The following LAMA2 variants were observed in gnomAD, a reference collection of about 807,000 sequenced individuals.
LAMA2 encodes laminin subunit alpha-2.
A neutral mutation model predicts 364.8 loss-of-function variants in LAMA2; 269 were observed. The ratio of observed to expected loss-of-function variants is 0.74; its 90% CI spans 0.67 to 0.82. LAMA2 has a LOEUF of 0.82. LAMA2 is among the 40% of genes least tolerant of loss of function. The probability of loss-of-function intolerance (pLI) is 0.00; values close to 1 mark genes in which losing one functional copy is unlikely to be tolerated. For missense variants in LAMA2, 3,807 were observed against 3,873.2 expected, an observed-to-expected ratio of 0.98 and a Z score of 0.45; for synonymous variants, 1,379 against 1,370.6, an observed-to-expected ratio of 1.01 and a Z score of -0.14.
chr6:129,351,359 G>C (rs970835498), intron 31 of LAMA2, among the ~76,000 whole-genome samples: 1 of 152,134 alleles, frequency 6.6e-6, no homozygotes, highest in Non-Finnish European at 1.5e-5. Context: ...ATCGATAAAA[G>C]CTGTCAGTTT....
At chr6:129,391,695 A>G (rs772001199) in intron 36 of LAMA2, 42 bp downstream of exon 36, 2 of 1,550,742 alleles carry the variant, frequency 1.3e-6, no homozygotes, top group South Asian at 2.2e-5. Context: ...ACAAACTGAG[A>G]TTTCCAGATA....
At chr6:128,904,966 A>G (rs1484390610) in intron 1 of LAMA2, among the ~76,000 whole-genome samples, 5 of 152,224 alleles carry the variant, frequency 3.3e-5, no homozygotes, top group Admixed American at 3.3e-4. Flanking sequence ...TCTTTTGCTT[A>G]TGTGCCAATT....
chr6:128,917,706 T>TTTCTTTC lies in LAMA2; in HGVS notation c.112+34351_112+34352insCTTTCTT, dbSNP rs1554322938. On this transcript the variant is annotated intron_variant, in intron 1 of 64. Transcript: ENST00000421865. ...CTATTATCTGTCCTTTTTCTTTTTT[T>TTTCTTTC]TTTCTTTCTTTCTTTCTTTCTTTCT... 4.4e-3 allele frequency among the ~76,000 whole-genome samples: 437 copies of TTTCTTTC among 98,346 alleles called. 4 individuals are homozygous for TTTCTTTC. Among genetic ancestry groups the TTTCTTTC allele is most frequent in the African/African-American group, 0.016 (402 of 25,308 alleles). The allele number at this position is 98,346 out of a possible 152,430, so 64.5% of individuals were successfully genotyped here.
chr6:129,347,694 G>A (rs1345654831), intron 30 of LAMA2, among the ~76,000 whole-genome samples: 1 of 152,116 alleles, frequency 6.6e-6, no homozygotes, highest in Non-Finnish European at 1.5e-5. Flanking sequence ...TTTCTGAGTA[G>A]CCCTGCAGAC....
At chr6:129,291,225 C>A (rs760029664) in intron 19 of LAMA2, among the ~76,000 whole-genome samples, 1 of 152,170 alleles carries the variant, frequency 6.6e-6, no homozygotes, top group African/African-American at 2.4e-5. Context: ...AACAGCGTTA[C>A]ACCTTGAGTC....
intron 20 of LAMA2, 81 bp from the exon 21 acceptor site, chr6:129,297,604 C>G: frequency 7.5e-7 from 1 of 1,329,442 alleles, no homozygotes; most frequent in South Asian, 1.2e-5. Context: ...CTGTTCCCAC[C>G]TGATCTTTGG....
chr6:129,415,564 G>A (rs961071440), intron 40 of LAMA2, among the ~76,000 whole-genome samples: 1 of 152,118 alleles, frequency 6.6e-6, no homozygotes, highest in South Asian at 2.1e-4. Context: ...TAACCATGGT[G>A]GCTGGGTGCA....
intron 3 of LAMA2, among the ~76,000 whole-genome samples, chr6:129,066,815 A>G (rs955898729): frequency 2.6e-5 from 4 of 152,216 alleles, no homozygotes; most frequent in African/African-American, 9.6e-5. Context: ...CCAAGAACAC[A>G]CAATGGGATT....
At chr6:129,217,058 G>A (rs1012690986) in intron 12 of LAMA2, among the ~76,000 whole-genome samples, 8 of 151,822 alleles carry the variant, frequency 5.3e-5, no homozygotes, top group Non-Finnish European at 1.0e-4. Context: ...GTATGGTGGC[G>A]TGTGCCTGTA....
chr6:129,093,178 A>T (rs1774951148), intron 3 of LAMA2, among the ~76,000 whole-genome samples: 1 of 150,568 alleles, frequency 6.6e-6, no homozygotes, highest in South Asian at 2.1e-4. Flanking sequence ...TTTAGTAGAG[A>T]CGGAGTTTCA....
intron 22 of LAMA2, among the ~76,000 whole-genome samples, chr6:129,306,275 ATTCCTGTTGT>A (rs1403567723): frequency 1.8e-5 from 1 of 55,250 alleles, no homozygotes; most frequent in Non-Finnish European, 4.0e-5. Context: ...TTATCATTTT[ATTCCTGTTGT>A]TTCAGGTCTG....
chr6:129,115,629 A>G (rs1372199736), intron 4 of LAMA2, among the ~76,000 whole-genome samples: 2 of 152,002 alleles, frequency 1.3e-5, no homozygotes, highest in African/African-American at 2.4e-5. Context: ...AGCTTTTCCC[A>G]TGGCAGAAAT....
At chr6:129,381,876 T>A (rs972267212) in intron 34 of LAMA2, among the ~76,000 whole-genome samples, 2 of 152,216 alleles carry the variant, frequency 1.3e-5, no homozygotes, top group Non-Finnish European at 2.9e-5. Context: ...GGATGAGAAG[T>A]TAGATGATAA....
intron 4 of LAMA2, among the ~76,000 whole-genome samples, chr6:129,132,311 C>T (rs933313908): frequency 5.9e-5 from 9 of 152,062 alleles, no homozygotes; most frequent in African/African-American, 1.9e-4. Context: ...GGACTACAGG[C>T]GCCCGCCACC....
intron 42 of LAMA2, among the ~76,000 whole-genome samples, chr6:129,440,343 T>G (rs558536266): frequency 1.3e-5 from 2 of 151,794 alleles, no homozygotes; most frequent in East Asian, 1.9e-4. Context: ...ATATAGAAAA[T>G]TTCCAATGCT....
chr6:128,930,149 C>T (rs913479204), intron 1 of LAMA2, among the ~76,000 whole-genome samples: 2 of 152,204 alleles, frequency 1.3e-5, no homozygotes, highest in African/African-American at 4.8e-5. Context: ...CTGACGTGCA[C>T]GGCGGCACTG....
At chr6:128,920,149 C>T (rs1267827575) in intron 1 of LAMA2, among the ~76,000 whole-genome samples, 1 of 151,598 alleles carries the variant, frequency 6.6e-6, no homozygotes, top group Non-Finnish European at 1.5e-5. Context: ...AATTTTCATG[C>T]TCATTTTTCT....
At chr6:129,363,392 G>C (rs1366744015) in intron 32 of LAMA2, among the ~76,000 whole-genome samples, 1 of 152,162 alleles carries the variant, frequency 6.6e-6, no homozygotes, top group East Asian at 1.9e-4. Flanking sequence ...GAGGGAAAGA[G>C]CCCAGGCATC....
chr6:129,279,809 G>A (rs563233939), intron 17 of LAMA2, among the ~76,000 whole-genome samples: 1 of 152,148 alleles, frequency 6.6e-6, no homozygotes, highest in Non-Finnish European at 1.5e-5. Context: ...TCACTACTCA[G>A]AGCAGTCGAA....
Sources: gnomAD v4.1 joint callset for allele counts (sites outside exome capture counted in the v4.1 genomes callset) on GRCh38, gnomAD v4.1.1 for gene constraint, MANE v1.5 for transcripts, NCBI Gene and HGNC (gene_info 2026-07-23, HGNC 2026-07-21) for gene names.